The following SOBP variants were observed in gnomAD, a reference collection of about 807,000 sequenced individuals.
The protein encoded by SOBP is sine oculis-binding protein homolog.
In SOBP, 4 loss-of-function variants were observed where a neutral mutation model predicts 53.6. The ratio of observed to expected loss-of-function variants is 0.07; its 90% CI spans 0.04 to 0.17. SOBP has a LOEUF of 0.17. Ranked by LOEUF, SOBP falls within the 10% of genes least tolerant of loss-of-function variation. SOBP has a pLI of 1.00. For synonymous variants in SOBP, 584 were observed against 522.6 expected (o/e 1.12, Z -1.60); for missense variants, 1,088 against 1,204.7 (o/e 0.90, Z 1.43).
In SOBP at chr6:107,490,679, C is replaced by T. The variant is rs999327231; in HGVS notation, c.63C>T (p.His21=). 5 of 1,607,886 alleles carry T rather than the reference C, an allele frequency of 3.1e-6. No individual in the cohort carries two copies. The African/African-American group carries it at 4.0e-5, about 13-fold the overall frequency. ...PENKRSRKPA[H]PVKREINEEM... ...ATAAACGGAGCAGGAAGCCGGCTCA[C>T]CCAGTGAAAAGGGAGATCAATGAGG... Residue 21 remains histidine, a synonymous_variant, in exon 1 of 7, where the codon CAC becomes CAT. Transcript: ENST00000317357.
At chr6:107,497,423 GTTAA>G (rs1782730130) in intron 1 of SOBP, among the ~76,000 whole-genome samples, 1 of 152,066 alleles carries the variant, frequency 6.6e-6, no homozygotes, top group Non-Finnish European at 1.5e-5. Context: ...GAGACTATGT[GTTAA>G]TTTTTAATTA....
chr6:107,522,011 C>T (rs1783514198), intron 3 of SOBP, among the ~76,000 whole-genome samples: 1 of 151,146 alleles, frequency 6.6e-6, no homozygotes, highest in African/African-American at 2.4e-5. Context: ...TCGGATCTGA[C>T]CAGGTTTGGG....
intron 3 of SOBP, chr6:107,529,512 G>A (rs1783759052): frequency 1.0e-6 from 1 of 985,266 alleles, no homozygotes; most frequent in Admixed American, 6.2e-5. Context: ...TTTCCCCTCA[G>A]TCTTGGACTC....
intron 1 of SOBP, among the ~76,000 whole-genome samples, chr6:107,500,760 T>C (rs192373281): frequency 0.02 from 3,016 of 152,194 alleles, 119 homozygotes; most frequent in Admixed American, 0.1. Context: ...CTCCTGACCT[T>C]GTGATCTGCC....
intron 3 of SOBP, among the ~76,000 whole-genome samples, chr6:107,521,330 T>C (rs1583168543): frequency 6.6e-6 from 1 of 152,120 alleles, no homozygotes; most frequent in East Asian, 1.9e-4. Context: ...TGGTAATAAT[T>C]CCTTAATAAT....
At chr6:107,649,163 CAAAAAAA>C (rs61034738) in intron 6 of SOBP, among the ~76,000 whole-genome samples, 1 of 40,406 alleles carries the variant, frequency 2.5e-5, no homozygotes, top group Non-Finnish European at 4.2e-5. Context: ...CCCCCACTAC[CAAAAAAA>C]AAAAAAAAAA....
chr6:107,494,324 G>A (rs934110800), intron 1 of SOBP, among the ~76,000 whole-genome samples: 1 of 152,142 alleles, frequency 6.6e-6, no homozygotes, highest in Non-Finnish European at 1.5e-5. Context: ...CTGACATATG[G>A]GAAGGTTAAT....
chr6:107,519,993 G>C (rs1259358944), intron 3 of SOBP, among the ~76,000 whole-genome samples: 1 of 152,150 alleles, frequency 6.6e-6, no homozygotes, highest in Non-Finnish European at 1.5e-5. Context: ...AAAAAAGTTA[G>C]AATTTTATGA....
intron 5 of SOBP, among the ~76,000 whole-genome samples, chr6:107,599,383 C>A (rs569868797): frequency 6.6e-6 from 1 of 152,190 alleles, no homozygotes; most frequent in African/African-American, 2.4e-5. Context: ...TATGAGTAGT[C>A]CGAATCCGTT....
intron 3 of SOBP, among the ~76,000 whole-genome samples, chr6:107,532,172 T>A (rs1783841929): frequency 6.6e-6 from 1 of 151,226 alleles, no homozygotes. Context: ...GTCTGGAGCA[T>A]GAATGTGGGT....
Position 107,503,579 on chromosome 6 carries a change from A to G in SOBP, c.97-78A>G, listed in dbSNP as rs1782898489. On this transcript the variant is annotated intron_variant, in intron 1 of 6. Transcript: ENST00000317357. ...GGCTGCAAATAAATGAGGTAGGACA[A>G]GCAGAATTCAATTTATGCATTCTTT... is the stretch of plus-strand genomic sequence containing the variant. 8 of 1,510,074 alleles carry G rather than the reference A, an allele frequency of 5.3e-6. No homozygotes were observed. In the Admixed American group the frequency reaches 1.0e-4, roughly 19 times the overall value. The allele number at this position is 1,510,074 out of a possible 1,614,324, so 93.5% of individuals were successfully genotyped here.
At chr6:107,598,957 A>G (rs1159781926) in intron 5 of SOBP, among the ~76,000 whole-genome samples, 1 of 152,242 alleles carries the variant, frequency 6.6e-6, no homozygotes, top group African/African-American at 2.4e-5. Context: ...AAGAAACTGA[A>G]GTTTAAAAAT....
intron 4 of SOBP, among the ~76,000 whole-genome samples, chr6:107,538,878 T>A (rs905657849): frequency 1.3e-5 from 2 of 152,216 alleles, no homozygotes; most frequent in African/African-American, 2.4e-5. Context: ...TAAACGTCAG[T>A]CCTTGGAAAC....
chr6:107,596,352 G>A (rs1247235663), intron 5 of SOBP, among the ~76,000 whole-genome samples: 2 of 152,094 alleles, frequency 1.3e-5, no homozygotes, highest in Admixed American at 6.5e-5. Flanking sequence ...CCATGGAGGT[G>A]GACGCTTAAG....
chr6:107,506,632 A>G (rs1049425778), intron 3 of SOBP, among the ~76,000 whole-genome samples: 1 of 152,236 alleles, frequency 6.6e-6, no homozygotes, highest in Non-Finnish European at 1.5e-5. Flanking sequence ...TAGGCTATAA[A>G]CTTTCAACTG....
chr6:107,566,975 T>TA (rs1278036712), intron 4 of SOBP, among the ~76,000 whole-genome samples: 1 of 152,240 alleles, frequency 6.6e-6, no homozygotes, highest in Non-Finnish European at 1.5e-5. Context: ...GTCAGGCAGA[T>TA]ACCTGCAATG....
intron 4 of SOBP, among the ~76,000 whole-genome samples, chr6:107,560,845 C>T (rs1249348946): frequency 6.6e-6 from 1 of 152,186 alleles, no homozygotes; most frequent in East Asian, 1.9e-4. Context: ...CTCATCTTGT[C>T]TCCTATTGAC....
chr6:107,611,479 A>G (rs1275758908), intron 5 of SOBP, among the ~76,000 whole-genome samples: 46 of 152,178 alleles, frequency 3.0e-4, no homozygotes, highest in Admixed American at 3.0e-3. Context: ...TATAAGCAAC[A>G]TTTTCATATT....
At chr6:107,574,897 G>A (rs1368071120) in intron 4 of SOBP, among the ~76,000 whole-genome samples, 7 of 152,282 alleles carry the variant, frequency 4.6e-5, no homozygotes, top group South Asian at 2.1e-4. Context: ...AATTTACCAC[G>A]AAGGGGAGAG....
Sources: gnomAD v4.1 joint callset for allele counts (sites outside exome capture counted in the v4.1 genomes callset) on GRCh38, gnomAD v4.1.1 for gene constraint, MANE v1.5 for transcripts, NCBI Gene and HGNC (gene_info 2026-07-23, HGNC 2026-07-21) for gene names.